The following EFCAB3 variants were observed in gnomAD, a reference collection of about 807,000 sequenced individuals.
EFCAB3 encodes the protein EF-hand calcium binding domain 3.
A neutral mutation model predicts 42.2 loss-of-function variants in EFCAB3; 36 were observed. The ratio of observed to expected loss-of-function variants is 0.85; its 90% CI spans 0.65 to 1.13. The LOEUF (loss-of-function observed/expected upper bound fraction) is 1.13. Among genes scored for constraint, EFCAB3 ranks in the 50% most tolerant of loss-of-function variants. EFCAB3 has a pLI of 0.00. For synonymous variants in EFCAB3, 170 were observed against 172.8 expected (o/e 0.98, Z 0.13); for missense variants, 418 against 505.1 (o/e 0.83, Z 1.65).
At chr17:62,407,866 G>A (rs545001457) in intron 8 of EFCAB3, among the ~76,000 whole-genome samples, 80 of 152,290 alleles carry the variant, frequency 5.3e-4, no homozygotes, top group Admixed American at 1.4e-3. Context: ...AGCCCACCCT[G>A]TGGAGCTCTG....
intron 6 of EFCAB3, among the ~76,000 whole-genome samples, chr17:62,403,876 C>T (rs2070425927): frequency 6.6e-6 from 1 of 152,190 alleles, no homozygotes; most frequent in African/African-American, 2.4e-5. Context: ...TCTTGAACTC[C>T]TGACCTCAAG....
chr17:62,386,409 C>G, intron 2 of EFCAB3, among the ~76,000 whole-genome samples: 1 of 151,950 alleles, frequency 6.6e-6, no homozygotes, highest in Non-Finnish European at 1.5e-5. Flanking sequence ...CTCTTATACA[C>G]CCATACATAT....
chr17:62,415,086 A>G (rs1312218113), intron 9 of EFCAB3, among the ~76,000 whole-genome samples: 1 of 151,780 alleles, frequency 6.6e-6, no homozygotes, highest in Admixed American at 6.6e-5. Context: ...GTTAGGCAAC[A>G]GGGCAAGACT....
upstream of EFCAB3, among the ~76,000 whole-genome samples, chr17:62,376,470 C>A (rs1259995650): frequency 6.6e-6 from 1 of 152,126 alleles, no homozygotes; most frequent in Non-Finnish European, 1.5e-5. Flanking sequence ...CCTAAAAAAA[C>A]TTTTAAAGAA....
At chr17:62,393,764 T>G in intron 5 of EFCAB3, 120 bp downstream of exon 5, 2 of 794,020 alleles carry the variant, frequency 2.5e-6, no homozygotes, top group Non-Finnish European at 4.1e-6. Context: ...GGGATGTGAG[T>G]TACTTTTGTA....
rs370745506 is a variant in EFCAB3, at chr17:62,385,916, G to A, written c.75-1424G>A. 2.2e-3 allele frequency among the ~76,000 whole-genome samples: 328 copies of A among 149,822 alleles called. 2 individuals are homozygous for A. Among genetic ancestry groups the A allele is most frequent in the African/African-American group, 6.4e-3 (261 of 40,816 alleles). ...TTTTTTTTTTTAATTTTTAGTAGAG[G>A]CGGGGTTTCACCATGTTAGCCAGGA... On this transcript the variant is annotated intron_variant, in intron 2 of 9. Coordinates refer to ENST00000305286, the MANE Select transcript of EFCAB3 (RefSeq NM_173503.4).
At chr17:62,394,705 A>G (rs1448715304) in intron 5 of EFCAB3, among the ~76,000 whole-genome samples, 1 of 152,218 alleles carries the variant, frequency 6.6e-6, no homozygotes, top group East Asian at 1.9e-4. Context: ...TTCATAATCT[A>G]TGAACTGTTC....
In EFCAB3 at chr17:62,393,637, G is replaced by A. The variant is rs766225409; in HGVS notation, c.360G>A (p.Lys120=). 1 of 1,613,928 alleles carries A rather than the reference G, an allele frequency of 6.2e-7. No homozygotes were observed. Among genetic ancestry groups the A allele is most frequent in the South Asian group, 1.1e-5 (1 of 91,056 alleles). Residue 120 remains lysine, a synonymous_variant, in exon 5 of 10, where the codon AAG becomes AAA. Coordinates refer to ENST00000305286, the MANE Select transcript of EFCAB3 (RefSeq NM_173503.4). ...TAACAGATAAGAATCTCTTCCTCAA[G>A]GCAGTGGGTGAGTAGAGATGTTATG... ...KVLTDKNLFL[K]AVVPEKETCL...
intron 8 of EFCAB3, among the ~76,000 whole-genome samples, chr17:62,412,075 T>C (rs1384385880): frequency 6.7e-6 from 1 of 148,502 alleles, no homozygotes; most frequent in Non-Finnish European, 1.5e-5. Context: ...AGAGGGAGAG[T>C]AAATAAAAAC....
rs113072297 is a variant in EFCAB3, at chr17:62,415,720, G to A, written c.991-283G>A. ...ACTGAGTGGCTGAATTGGCCCTCCT[G>A]TTATATCCCTAGCCTATCTCCATAC... is the stretch of plus-strand genomic sequence containing the variant. On this transcript the variant is annotated intron_variant, in intron 9 of 9. Transcript: ENST00000305286. Among the ~76,000 whole-genome samples, 954 of 152,204 alleles carry A rather than the reference G, an allele frequency of 6.3e-3. 11 individuals are homozygous for A. The highest frequency in any genetic ancestry group is 0.022 in the African/African-American group (906 of 41,528).
chr17:62,372,591 A>AT (rs1238768074), intron 1 of EFCAB3, among the ~76,000 whole-genome samples: 1 of 152,002 alleles, frequency 6.6e-6, no homozygotes, highest in Admixed American at 6.6e-5. Context: ...AGTTGAAGAG[A>AT]TTCTTTACAA....
chr17:62,382,019 C>G (rs1305714537), intron 1 of EFCAB3: 1 of 231,496 alleles, frequency 4.3e-6, no homozygotes, highest in African/African-American at 2.3e-5. Context: ...TTATTAAATT[C>G]CTGCTCCCCT....
intron 1 of EFCAB3, among the ~76,000 whole-genome samples, chr17:62,381,188 C>T (rs2070194603): frequency 7.3e-6 from 1 of 136,980 alleles, no homozygotes; most frequent in Admixed American, 7.7e-5. Flanking sequence ...GTGATGTTCC[C>T]CTTCCTGTGT....
At chr17:62,395,333 T>TG (rs1284604457) in intron 6 of EFCAB3, 145 bp downstream of exon 6, 3 of 1,042,094 alleles carry the variant, frequency 2.9e-6, no homozygotes, top group African/African-American at 3.2e-5. Context: ...AATGCCCTTG[T>TG]GCTACAACAT....
At chr17:62,395,272 C>T in intron 6 of EFCAB3, 84 bp downstream of exon 6, 1 of 1,532,414 alleles carries the variant, frequency 6.5e-7, no homozygotes, top group Non-Finnish European at 8.8e-7. Flanking sequence ...CCACTAACAT[C>T]CAACTCCACA....
chr17:62,383,619 TA>T (rs1414805463), intron 2 of EFCAB3, among the ~76,000 whole-genome samples: 2 of 152,186 alleles, frequency 1.3e-5, no homozygotes, highest in African/African-American at 2.4e-5. Context: ...AAGAAAAAGA[TA>T]TACATCTTTT....
chr17:62,377,879 G>GA, upstream of EFCAB3: 4 of 1,054,856 alleles, frequency 3.8e-6, no homozygotes, highest in Admixed American at 2.6e-5. Context: ...CTCATCTGGG[G>GA]AAAAAAATAA....
At chr17:62,414,453 A>G (rs1337324219) in intron 9 of EFCAB3, among the ~76,000 whole-genome samples, 1 of 152,156 alleles carries the variant, frequency 6.6e-6, no homozygotes, top group African/African-American at 2.4e-5. Flanking sequence ...CCACCTGATG[A>G]CTATTTCTAC....
At chr17:62,413,075 G>T (rs1317566100) in intron 8 of EFCAB3, among the ~76,000 whole-genome samples, 2 of 152,056 alleles carry the variant, frequency 1.3e-5, no homozygotes, top group African/African-American at 4.8e-5. Flanking sequence ...TAAACTCTGG[G>T]AAAGCCTCCC....
Sources: gnomAD v4.1 joint callset for allele counts (sites outside exome capture counted in the v4.1 genomes callset) on GRCh38, gnomAD v4.1.1 for gene constraint, MANE v1.5 for transcripts, NCBI Gene and HGNC (gene_info 2026-07-23, HGNC 2026-07-21) for gene names.